The following DNAH12 variants were observed in gnomAD, a reference collection of about 807,000 sequenced individuals.
The protein encoded by DNAH12 is dynein axonemal heavy chain 12, also known as axonemal beta dynein heavy chain 12.
DNAH12 carries 285 observed loss-of-function variants against 371.5 expected under a neutral mutation model. That is an observed-to-expected ratio of 0.77 (90% CI 0.70 to 0.85). DNAH12 has a LOEUF of 0.85. Ranked by LOEUF, DNAH12 falls within the 40% of genes least tolerant of loss-of-function variation. DNAH12 has a pLI of 0.00. For synonymous variants in DNAH12, 1,200 were observed against 1,213.0 expected (o/e 0.99, Z 0.22); for missense variants, 3,611 against 3,689.4 (o/e 0.98, Z 0.55).
chr3:57,306,273 T>C (rs188678976), intron 69 of DNAH12, among the ~76,000 whole-genome samples: 4,654 of 152,196 alleles, frequency 0.031, 87 homozygotes, highest in Admixed American at 0.043. Context: ...GCTACCCACT[T>C]CACATTACCT....
intron 57 of DNAH12, among the ~76,000 whole-genome samples, chr3:57,365,357 A>G (rs2063027143): frequency 6.6e-6 from 1 of 152,298 alleles, no homozygotes; most frequent in South Asian, 2.1e-4. Context: ...CTAACACAAA[A>G]ACAGAAAACC....
At chr3:57,421,741 T>C in intron 35 of DNAH12, 35 bp from the exon 36 acceptor site, 1 of 1,550,352 alleles carries the variant, frequency 6.5e-7, no homozygotes, top group Non-Finnish European at 8.7e-7. Flanking sequence ...TTATAGCAAT[T>C]ATTTTAAAAG....
intron 66 of DNAH12, among the ~76,000 whole-genome samples, chr3:57,311,758 G>A (rs1018013734): frequency 6.6e-6 from 1 of 152,172 alleles, no homozygotes; most frequent in African/African-American, 2.4e-5. Context: ...TGGTTTAGGA[G>A]ACTTTTCACA....
In DNAH12 at chr3:57,543,052, G is replaced by A. The variant is rs754114337; in HGVS notation, c.-33-149C>T. 1.8e-5 allele frequency: 10 copies of A among 550,320 alleles called. 1 individual carries two copies. The highest frequency in any genetic ancestry group is 2.8e-5 in the Non-Finnish European group (10 of 352,684). The allele number at this position is 550,320 out of a possible 1,614,324, so 34.1% of individuals were successfully genotyped here. A position where few individuals can be genotyped will look rare whatever the true frequency, so the allele number is the denominator to read the frequency against. On this transcript the variant is annotated intron_variant, in intron 1 of 73. Coordinates refer to ENST00000495027, the MANE Select transcript of DNAH12 (RefSeq NM_001366028.2). ...GGTATTAGTCTAAAGAATGACAGTTGAGGTAAGTTGGCAGGGATTCCTGTT... is the reference window on the plus strand; with the variant it reads ...GGTATTAGTCTAAAGAATGACAGTTAAGGTAAGTTGGCAGGGATTCCTGTT...
intron 38 of DNAH12, 67 bp downstream of exon 38, chr3:57,415,359 T>C: frequency 6.6e-7 from 1 of 1,512,756 alleles, no homozygotes; most frequent in Admixed American, 2.5e-5. Flanking sequence ...TAATGTACAA[T>C]TTTAAACACT....
the DNAH12 span, among the ~76,000 whole-genome samples, chr3:57,555,304 AT>A: frequency 6.6e-6 from 1 of 152,208 alleles, no homozygotes; most frequent in Non-Finnish European, 1.5e-5. Context: ...CCCCATTATT[AT>A]TCCTTATCTG....
intron 60 of DNAH12, among the ~76,000 whole-genome samples, chr3:57,346,445 A>G (rs1436143420): frequency 6.6e-6 from 1 of 152,184 alleles, no homozygotes; most frequent in East Asian, 1.9e-4. Context: ...TTAAAAAAGT[A>G]AGTATAATTG....
intron 65 of DNAH12, among the ~76,000 whole-genome samples, chr3:57,320,279 T>C (rs2061776464): frequency 6.6e-6 from 1 of 152,202 alleles, no homozygotes; most frequent in African/African-American, 2.4e-5. Context: ...CATTGCCATA[T>C]TACCAGTTCC....
intron 45 of DNAH12, among the ~76,000 whole-genome samples, chr3:57,387,791 G>A (rs968016856): frequency 5.9e-5 from 9 of 152,228 alleles, no homozygotes; most frequent in Middle Eastern, 3.4e-3. Flanking sequence ...TTGGAACATG[G>A]TTGTGAACAA....
chr3:57,377,310 G>C (rs2063300667), intron 52 of DNAH12, 88 bp from the exon 53 acceptor site: 1 of 152,018 alleles, frequency 6.6e-6, no homozygotes, highest in South Asian at 2.1e-4. Context: ...TTATGGATTA[G>C]AAATGCATTG....
At position 57,334,474 on chromosome 3, in the gene DNAH12, T is replaced by C. The variant is rs2062176716; in HGVS notation, c.9969A>G (p.Arg3323=). 4 of 1,547,840 alleles carry C rather than the reference T, an allele frequency of 2.6e-6. No homozygotes were observed. Among genetic ancestry groups the C allele is most frequent in the Non-Finnish European group, 3.5e-6 (4 of 1,146,284 alleles). Residue 3323 remains arginine, a synonymous_variant, in exon 62 of 74, where the codon AGA becomes AGG. Coordinates refer to ENST00000495027, the MANE Select transcript of DNAH12 (RefSeq NM_001366028.2). ...CACATTGGTCTTTTACCTTATCAGGTCTTAAACACCGAAGAATTATTATTT... is the reference window on the plus strand; with the variant it reads ...CACATTGGTCTTTTACCTTATCAGGCCTTAAACACCGAAGAATTATTATTT... ...LQKIIILRCL[R]PDKITPAITN...
rs1209828205 is a variant in DNAH12, at chr3:57,445,302, A to G, written c.4297T>C (p.Tyr1433His). The change falls in exon 28 of 74, where the codon TAT becomes CAT. Residue 1433 changes from tyrosine (Y) to histidine (H), a missense_variant. Tyr to His is a moderately conservative substitution (Grantham distance 83). This residue lies in a region of DNAH12 where 2,266 missense variants were observed against 2,236.9 expected (regional missense o/e 1.01). Transcript: ENST00000495027. ...RPLSVKIVMTYRLCSEQLSSQ... is the reference protein window; with the variant it reads ...RPLSVKIVMTHRLCSEQLSSQ... Reference sequence around the variant, plus strand: ...GAGAGCTGCTCTGAGCAAAGCCTATAGGTCATTACTATTTTCACAGACAGA... The same window carrying G: ...GAGAGCTGCTCTGAGCAAAGCCTATGGGTCATTACTATTTTCACAGACAGA... 6.4e-7 allele frequency: 1 copy of G among 1,551,680 alleles called. No homozygotes were observed. The highest frequency in any genetic ancestry group is 8.7e-7 in the Non-Finnish European group (1 of 1,146,986).
rs998022995 is a variant in DNAH12, at chr3:57,457,718, C to T, written c.3336+3G>A. 3.2e-6 allele frequency: 5 copies of T among 1,547,108 alleles called. No individual in the cohort carries two copies. In the Admixed American group the frequency reaches 5.9e-5, roughly 18 times the overall value. On this transcript the variant is annotated splice_donor_region_variant and intron_variant, in intron 22 of 73. Transcript: ENST00000495027. ...GGTATATATCAAATCCTAGGAAACA[C>T]ACCAGCCTGGCTGCAGCGATCACAT...
chr3:57,478,815 A>G (rs928003363), intron 13 of DNAH12, among the ~76,000 whole-genome samples: 21 of 152,172 alleles, frequency 1.4e-4, no homozygotes, highest in African/African-American at 4.6e-4. Context: ...TTTCATATCC[A>G]GCCAAACTAA....
rs369148561 is a variant in DNAH12, at chr3:57,405,865, G to A, written c.6364C>T (p.Arg2122Trp). Residue 2122 changes from arginine (R) to tryptophan (W), a missense_variant, in exon 41 of 74, where the codon CGG (arginine) becomes TGG (tryptophan). This residue lies in a region of DNAH12 where 2,266 missense variants were observed against 2,236.9 expected (regional missense o/e 1.01). Coordinates refer to ENST00000495027, the MANE Select transcript of DNAH12 (RefSeq NM_001366028.2). ...FNLRDFSRVIRGCLLIERDAV... is the reference protein window; with the variant it reads ...FNLRDFSRVIWGCLLIERDAV... ...TCTCTTTCAATGAGTAAACAGCCCC[G>A]GATGACGCGTGAAAAATCACGCAAG... The A allele has an allele frequency of 3.0e-5, 47 of 1,551,484 alleles. No homozygotes were observed. The African/African-American group carries it at 4.0e-4, about 13-fold the overall frequency.
chr3:57,401,579 AAAAGAAG>A lies in DNAH12; in HGVS notation c.6948+1723_6948+1729del, dbSNP rs1165885666. Among the ~76,000 whole-genome samples the A allele has an allele frequency of 5.4e-5, 8 of 147,002 alleles. No homozygotes were observed. In the East Asian group the frequency reaches 8.1e-4, roughly 15 times the overall value. On this transcript the variant is annotated intron_variant, in intron 43 of 73. Transcript: ENST00000495027. The stretch of plus-strand genomic sequence containing the variant: ...ACTCCATCTCAAAAAAAAAAAAAAA[AAAAGAAG>A]AAGAAGAAGAAGAAAGACATAAAAT...
At chr3:57,369,089 G>C (rs1027560520) in intron 55 of DNAH12, among the ~76,000 whole-genome samples, 1 of 151,184 alleles carries the variant, frequency 6.6e-6, no homozygotes, top group African/African-American at 2.4e-5. Context: ...GCGCAGTGGT[G>C]GGTGCCTGTA....
chr3:57,356,261 G>A (rs1417544060), intron 59 of DNAH12, among the ~76,000 whole-genome samples: 1 of 151,914 alleles, frequency 6.6e-6, no homozygotes, highest in East Asian at 1.9e-4. Context: ...GGGCAACATG[G>A]TGAAACCCCA....
At chr3:57,304,442 A>G (rs527365234) in intron 69 of DNAH12, among the ~76,000 whole-genome samples, 203 of 151,802 alleles carry the variant, frequency 1.3e-3, no homozygotes, top group African/African-American at 4.4e-3. Flanking sequence ...CTCTTCTCCA[A>G]CCTCTCTTAC....
Sources: allele counts gnomAD v4.1 joint callset (sites outside exome capture counted in the v4.1 genomes callset), GRCh38; gene constraint gnomAD v4.1.1; regional missense constraint gnomAD v4.1.1; transcripts MANE v1.5; gene names NCBI Gene and HGNC (gene_info 2026-07-23, HGNC 2026-07-21).